The following PDZRN4 variants were observed in gnomAD, a reference collection of about 807,000 sequenced individuals.
The protein encoded by PDZRN4 is PDZ domain-containing RING finger protein 4.
Under a neutral mutation model 99.0 loss-of-function variants are expected in PDZRN4, and 70 were observed. That is an observed-to-expected ratio of 0.71 (90% CI 0.58 to 0.86). The LOEUF is 0.86. Among genes scored for constraint, PDZRN4 ranks in the 40% least tolerant of loss-of-function variants. PDZRN4 has a pLI of 0.00. For missense variants in PDZRN4, 1,474 were observed against 1,331.2 expected (o/e 1.11, Z -1.67); for synonymous variants, 551 against 501.6 (o/e 1.10, Z -1.32).
chr12:41,391,213 G>A (rs1243948133), intron 3 of PDZRN4, among the ~76,000 whole-genome samples: 1 of 152,188 alleles, frequency 6.6e-6, no homozygotes, highest in Non-Finnish European at 1.5e-5. Flanking sequence ...GTTAGGGATG[G>A]AGGCACTCTG....
At chr12:41,532,986 A>T (rs1565607773) in intron 5 of PDZRN4, among the ~76,000 whole-genome samples, 1 of 152,138 alleles carries the variant, frequency 6.6e-6, no homozygotes, top group Non-Finnish European at 1.5e-5. Context: ...CAACCTGTTA[A>T]TCATATTGTT....
At chr12:41,513,301 A>G (rs1938341498) in intron 5 of PDZRN4, among the ~76,000 whole-genome samples, 1 of 152,068 alleles carries the variant, frequency 6.6e-6, no homozygotes, top group South Asian at 2.1e-4. Flanking sequence ...AGGAACCTCT[A>G]TGAAAATTTA....
chr12:41,546,275 G>C (rs2120781855), intron 5 of PDZRN4, among the ~76,000 whole-genome samples: 1 of 152,240 alleles, frequency 6.6e-6, no homozygotes, highest in East Asian at 1.9e-4. Context: ...AAGAGAACAG[G>C]GTAGTTGAGG....
chr12:41,265,524 T>C (rs1290329495), intron 3 of PDZRN4, among the ~76,000 whole-genome samples: 2 of 152,192 alleles, frequency 1.3e-5, no homozygotes, highest in African/African-American at 4.8e-5. Flanking sequence ...GATTAAAATA[T>C]ATTGCATCAA....
chr12:41,419,168 A>T (rs1406140426), intron 3 of PDZRN4, among the ~76,000 whole-genome samples: 1 of 152,068 alleles, frequency 6.6e-6, no homozygotes, highest in Non-Finnish European at 1.5e-5. Context: ...TACCTGTTTC[A>T]TATCTGGTGT....
At chr12:41,385,145 A>T (rs1412992362) in intron 3 of PDZRN4, among the ~76,000 whole-genome samples, 1 of 152,242 alleles carries the variant, frequency 6.6e-6, no homozygotes, top group Non-Finnish European at 1.5e-5. Context: ...TAAGGAAATA[A>T]TACTGTATAG....
chr12:41,247,567 A>G (rs865897855), intron 3 of PDZRN4, among the ~76,000 whole-genome samples: 15 of 152,276 alleles, frequency 9.9e-5, no homozygotes, highest in African/African-American at 3.4e-4. Flanking sequence ...TTTTGACTCC[A>G]ATTCCTGGGT....
intron 3 of PDZRN4, among the ~76,000 whole-genome samples, chr12:41,457,590 A>G (rs911711930): frequency 2.6e-5 from 4 of 152,150 alleles, no homozygotes; most frequent in African/African-American, 7.2e-5. Context: ...TATTGTGTCC[A>G]TTTGAGTCAT....
intron 5 of PDZRN4, among the ~76,000 whole-genome samples, chr12:41,513,004 G>A (rs1243943550): frequency 3.3e-5 from 5 of 151,998 alleles, no homozygotes; most frequent in Admixed American, 3.3e-4. Flanking sequence ...TACAAACTAT[G>A]CGGCTATTTA....
chr12:41,317,048 G>GTATACATACATATATATA (rs374645706), intron 3 of PDZRN4, among the ~76,000 whole-genome samples: 922 of 69,568 alleles, frequency 0.013, 158 homozygotes, highest in East Asian at 0.042. Flanking sequence ...CTTACATAAA[G>GTATACATACATATATATA]TATATATATA....
chr12:41,418,233 T>C (rs1046215213), intron 3 of PDZRN4, among the ~76,000 whole-genome samples: 3 of 152,208 alleles, frequency 2.0e-5, no homozygotes, highest in South Asian at 2.1e-4. Flanking sequence ...TGCTTTAAAA[T>C]CTAAATTGAA....
At chr12:41,285,656 A>G (rs1158138805) in intron 3 of PDZRN4, among the ~76,000 whole-genome samples, 1 of 152,192 alleles carries the variant, frequency 6.6e-6, no homozygotes, top group African/African-American at 2.4e-5. Context: ...CATGTACACC[A>G]TGGAATACTA....
At chr12:41,353,288 T>C (rs907513014) in intron 3 of PDZRN4, among the ~76,000 whole-genome samples, 1 of 152,108 alleles carries the variant, frequency 6.6e-6, no homozygotes, top group Admixed American at 6.6e-5. Context: ...ACCCATTCAC[T>C]TTCTCTCTCT....
chr12:41,407,105 G>A (rs1162210465), intron 3 of PDZRN4, among the ~76,000 whole-genome samples: 2 of 152,096 alleles, frequency 1.3e-5, no homozygotes, highest in African/African-American at 2.4e-5. Flanking sequence ...TATGCTCTCA[G>A]AACTATTCAT....
At chr12:41,285,097 A>C (rs563751834) in intron 3 of PDZRN4, among the ~76,000 whole-genome samples, 2 of 152,180 alleles carry the variant, frequency 1.3e-5, no homozygotes, top group Non-Finnish European at 2.9e-5. Context: ...AAAATTTTGC[A>C]ATCTATCCAT....
At chr12:41,448,330 C>T (rs1952746608) in intron 3 of PDZRN4, among the ~76,000 whole-genome samples, 1 of 152,142 alleles carries the variant, frequency 6.6e-6, no homozygotes, top group African/African-American at 2.4e-5. Context: ...CAGTGCCTTT[C>T]CCACCTCTCC....
At chr12:41,507,819 G>A (rs1938234235) in intron 4 of PDZRN4, among the ~76,000 whole-genome samples, 1 of 144,470 alleles carries the variant, frequency 6.9e-6, no homozygotes, top group African/African-American at 2.8e-5. Flanking sequence ...CTTTGTATCA[G>A]ACACAAATTG....
rs541198614 is a variant in PDZRN4, at chr12:41,448,007, C to A, written c.844-58449C>A. Reference sequence around the variant, plus strand: ...AAGGGTCTATGGAAGATGCTCTTTTCGGCATAGGAAGAGAAATCCTCACAA... The same window carrying A: ...AAGGGTCTATGGAAGATGCTCTTTTAGGCATAGGAAGAGAAATCCTCACAA... On this transcript the variant is annotated intron_variant, in intron 3 of 9. Transcript: ENST00000402685. Among the ~76,000 whole-genome samples the A allele has an allele frequency of 3.9e-5, 6 of 152,164 alleles. No individual in the cohort carries two copies. The South Asian group carries it at 1.2e-3, about 32-fold the overall frequency.
At chr12:41,394,941 G>A (rs909304303) in intron 3 of PDZRN4, among the ~76,000 whole-genome samples, 2 of 152,118 alleles carry the variant, frequency 1.3e-5, no homozygotes, top group African/African-American at 4.8e-5. Context: ...AGAAGTGAAT[G>A]TCCATACTAC....
Sources: allele counts gnomAD v4.1 joint callset (sites outside exome capture counted in the v4.1 genomes callset), GRCh38; gene constraint gnomAD v4.1.1; transcripts MANE v1.5; gene names NCBI Gene and HGNC (gene_info 2026-07-23, HGNC 2026-07-21).